CD99L2: variants seen among roughly 807,000 people sequenced by gnomAD.
The protein encoded by CD99L2 is CD99 antigen-like protein 2.
CD99L2 carries 24 observed loss-of-function variants against 27.3 expected under a neutral mutation model. That is an observed-to-expected ratio of 0.88 (90% confidence interval 0.64 to 1.24). The LOEUF is 1.24. Among genes scored for constraint, CD99L2 ranks in the 50% most tolerant of loss-of-function variants. The pLI, the probability that CD99L2 is intolerant of heterozygous loss-of-function variation, is 0.00. For missense variants in CD99L2, 255 were observed against 221.6 expected, an observed-to-expected ratio of 1.15 and a Z score of -0.96; for synonymous variants, 97 against 87.9, an observed-to-expected ratio of 1.10 and a Z score of -0.58.
At chrX:150,786,254 G>A (rs782192472) in intron 7 of CD99L2, among the ~76,000 whole-genome samples, 38 of 110,461 alleles carry the variant, frequency 3.4e-4, no homozygotes, top group African/African-American at 1.2e-3. Context: ...AGGGGTACAT[G>A]TGCAGGTTTG....
rs1171015688 is a variant in CD99L2 at position 150,792,554 on chromosome X, C to G, written c.496+1137G>C. On this transcript the variant is annotated intron_variant, in intron 7 of 10. Coordinates refer to ENST00000370377, the MANE Select transcript of CD99L2 (RefSeq NM_031462.4). ...CTTTAATCGGAAGAGAACACTATTC[C>G]CATACGAAAGGCACACCGTTCTTGC... is the stretch of plus-strand genomic sequence containing the variant. Among the ~76,000 whole-genome samples the G allele has an allele frequency of 4.5e-5, 5 of 111,860 alleles. No individual in the cohort carries two copies. The South Asian group carries it at 1.9e-3, about 42-fold the overall frequency.
intron 7 of CD99L2, among the ~76,000 whole-genome samples, chrX:150,788,446 G>A (rs782625073): frequency 1.8e-5 from 2 of 111,327 alleles, no homozygotes; most frequent in Non-Finnish European, 3.8e-5. Context: ...CCAGTTAAGC[G>A]GTTAAGGTCA....
At chrX:150,792,649 A>G (rs1416249550) in intron 7 of CD99L2, among the ~76,000 whole-genome samples, 4 of 112,175 alleles carry the variant, frequency 3.6e-5, no homozygotes, top group Non-Finnish European at 7.5e-5. Flanking sequence ...AACCAGATAC[A>G]CCCATAACTT....
chrX:150,842,726 T>C (rs1443698025), intron 1 of CD99L2, among the ~76,000 whole-genome samples: 1 of 112,212 alleles, frequency 8.9e-6, no homozygotes, highest in Admixed American at 9.5e-5. Flanking sequence ...TAGCATTCGA[T>C]AATTTTTTTA....
chrX:150,894,447 G>A (rs1482892013), intron 1 of CD99L2, among the ~76,000 whole-genome samples: 1 of 112,161 alleles, frequency 8.9e-6, no homozygotes, highest in Non-Finnish European at 1.9e-5. Context: ...CAGAGTCATA[G>A]CAGCACTGGG....
intron 1 of CD99L2, among the ~76,000 whole-genome samples, chrX:150,862,886 G>GAAAAGA (rs1557421941): frequency 2.5e-3 from 277 of 108,755 alleles, no homozygotes; most frequent in African/African-American, 8.7e-3. Context: ...GAAAAAGAAA[G>GAAAAGA]AAAGAAAAGA....
At position 150,893,843 on chromosome X, in the gene CD99L2, G is replaced by A. The variant is rs2047560271; in HGVS notation, c.67+4679C>T. ...AGATTCTCATGCTTTAGCCTCCCGAGTAGCTGGGACTACAAGCGTGTACCA... is the reference window on the plus strand; with the variant it reads ...AGATTCTCATGCTTTAGCCTCCCGAATAGCTGGGACTACAAGCGTGTACCA... On this transcript the variant is annotated intron_variant, in intron 1 of 10. Transcript: ENST00000370377. Among the ~76,000 whole-genome samples, 3 of 109,767 alleles carry A rather than the reference G, an allele frequency of 2.7e-5. 1 individual carries two copies. The South Asian group carries it at 1.2e-3, about 44-fold the overall frequency.
intron 6 of CD99L2, among the ~76,000 whole-genome samples, chrX:150,794,793 T>C (rs1557419843): frequency 8.9e-6 from 1 of 112,071 alleles, no homozygotes; most frequent in African/African-American, 3.2e-5. Context: ...ATAAAGTGCC[T>C]GTGAGAAGCC....
chrX:150,770,497 C>T, intron 9 of CD99L2, 128 bp from the exon 10 acceptor site: 2 of 530,200 alleles, frequency 3.8e-6, no homozygotes, highest in Non-Finnish European at 6.3e-6. Flanking sequence ...GAACTCAAAA[C>T]CCTGCACCCT....
At chrX:150,793,057 C>G (rs782577762) in intron 7 of CD99L2, among the ~76,000 whole-genome samples, 3 of 111,735 alleles carry the variant, frequency 2.7e-5, no homozygotes, top group Non-Finnish European at 5.6e-5. Flanking sequence ...CCCATACTCG[C>G]TCACACACGC....
intron 1 of CD99L2, among the ~76,000 whole-genome samples, chrX:150,877,354 T>C (rs67888270): frequency 0.3 from 32,887 of 110,132 alleles, 3,864 homozygotes; most frequent in African/African-American, 0.43. Flanking sequence ...TATCACAAAC[T>C]AAAGTCAAGA....
intron 1 of CD99L2, among the ~76,000 whole-genome samples, chrX:150,840,508 C>G (rs1433085040): frequency 9.1e-6 from 1 of 110,424 alleles, no homozygotes; most frequent in Non-Finnish European, 1.9e-5. Context: ...CTCCTGGGTT[C>G]AAGTGATCTT....
chrX:150,776,061 G>T, intron 9 of CD99L2, 113 bp downstream of exon 9: 1 of 989,497 alleles, frequency 1.0e-6, no homozygotes, highest in Non-Finnish European at 1.4e-6. Flanking sequence ...CAGGAAGTCT[G>T]CTTGGGAGTG....
chrX:150,887,224 T>C, intron 1 of CD99L2, among the ~76,000 whole-genome samples: 1 of 108,757 alleles, frequency 9.2e-6, no homozygotes, highest in Admixed American at 9.8e-5. Flanking sequence ...GGTGGGTGGA[T>C]CAACTGAGGT....
chrX:150,853,163 A>G (rs2046818979), intron 1 of CD99L2, among the ~76,000 whole-genome samples: 1 of 111,900 alleles, frequency 8.9e-6, no homozygotes, highest in Non-Finnish European at 1.9e-5. Flanking sequence ...TCAGACAGAC[A>G]CAAGAACACA....
Position 150,831,279 on chromosome X carries a change from C to A in CD99L2, c.82G>T (p.Asp28Tyr). The A allele has an allele frequency of 1.7e-6, 2 of 1,198,450 alleles. No homozygotes were observed. The highest frequency in any genetic ancestry group is 1.1e-6 in the Non-Finnish European group (1 of 887,306). Residue 28 changes from aspartate (D) to tyrosine (Y), a missense_variant, in exon 2 of 11, where the codon GAT becomes TAT. Transcript: ENST00000370377. ...ACTGCATCCTCCAGGTTAAAATCATCAAAGTCCCCAGATCCTAAAAATTAA... is the reference window on the plus strand; with the variant it reads ...ACTGCATCCTCCAGGTTAAAATCATAAAAGTCCCCAGATCCTAAAAATTAA... Reference protein sequence around the residue: ...TLVQRGSGDFDDFNLEDAVKE... With the variant: ...TLVQRGSGDFYDFNLEDAVKE...
chrX:150,811,089 TA>T (rs782650481), intron 4 of CD99L2, among the ~76,000 whole-genome samples: 1 of 111,567 alleles, frequency 9.0e-6, no homozygotes, highest in Non-Finnish European at 1.9e-5. Flanking sequence ...AAAAACACAA[TA>T]ACCCAATTTA....
At chrX:150,777,187 T>C (rs1250105315) in intron 8 of CD99L2, 1 of 410,061 alleles carries the variant, frequency 2.4e-6, no homozygotes, top group African/African-American at 2.5e-5. Flanking sequence ...TCAGTTTGTA[T>C]TGCCAGGGTG....
chrX:150,824,004 AGAG>A (rs1222841754), intron 2 of CD99L2, among the ~76,000 whole-genome samples: 4 of 102,413 alleles, frequency 3.9e-5, no homozygotes, highest in Admixed American at 2.1e-4. Context: ...AAGAAGAAGA[AGAG>A]GAGGAGGAGG....
Sources: allele counts gnomAD v4.1 joint callset (sites outside exome capture counted in the v4.1 genomes callset), GRCh38; gene constraint gnomAD v4.1.1; transcripts MANE v1.5; gene names NCBI Gene and HGNC (gene_info 2026-07-23, HGNC 2026-07-21).